GLMN: variants seen among roughly 807,000 people sequenced by gnomAD.
The protein encoded by GLMN is glomulin, FKBP associated protein, also known as glomulin.
GLMN carries 75 observed loss-of-function variants against 87.8 expected under a neutral mutation model. The observed-to-expected ratio is 0.85, with a 90% CI of 0.71 to 1.04. The LOEUF is 1.04. Ranked by LOEUF, GLMN falls within the 50% of genes least tolerant of loss-of-function variation. The pLI, the probability that GLMN is intolerant of heterozygous loss-of-function variation, is 0.00. For synonymous variants in GLMN, 206 were observed against 221.6 expected (o/e 0.93, Z 0.63); for missense variants, 588 against 658.8 (o/e 0.89, Z 1.18).
chr1:92,350,663 G>A, the GLMN span, among the ~76,000 whole-genome samples: 1 of 152,218 alleles, frequency 6.6e-6, no homozygotes, highest in African/African-American at 2.4e-5. Flanking sequence ...CTATAGGCCA[G>A]GTGCAGTGGC....
At chr1:92,333,812 C>T in the GLMN span, among the ~76,000 whole-genome samples, 2 of 152,136 alleles carry the variant, frequency 1.3e-5, no homozygotes, top group African/African-American at 4.8e-5. Context: ...AAATGTGTCA[C>T]AGCAGTTTCA....
At chr1:92,327,240 A>G in the GLMN span, among the ~76,000 whole-genome samples, 1 of 152,272 alleles carries the variant, frequency 6.6e-6, no homozygotes, top group African/African-American at 2.4e-5. Flanking sequence ...TGACCTGTCT[A>G]GTGCTGTCAG....
chr1:92,268,232 CT>C (rs1655870279), intron 9 of GLMN, 97 bp from the exon 10 acceptor site: 4 of 696,134 alleles, frequency 5.7e-6, no homozygotes, highest in Middle Eastern at 4.0e-4. Flanking sequence ...AATTTTAACA[CT>C]TTTAAAATGC....
chr1:92,265,345 T>C (rs1165402370), intron 13 of GLMN, among the ~76,000 whole-genome samples: 3 of 149,164 alleles, frequency 2.0e-5, no homozygotes, highest in Non-Finnish European at 4.4e-5. Context: ...AAAAACTAGA[T>C]ATGACTAGCT....
chr1:92,294,793 C>A (rs565950078), intron 3 of GLMN, among the ~76,000 whole-genome samples: 1 of 152,270 alleles, frequency 6.6e-6, no homozygotes, highest in Admixed American at 6.5e-5. Context: ...ATCCCCCCAT[C>A]TCAGTCTCCC....
chr1:92,345,264 G>A, the GLMN span, among the ~76,000 whole-genome samples: 4 of 151,722 alleles, frequency 2.6e-5, no homozygotes, highest in African/African-American at 4.8e-5. Context: ...TACTCAAGAG[G>A]CTGAGTCAGG....
upstream of GLMN, chr1:92,300,202 C>G (rs149555004): frequency 1.6e-4 from 263 of 1,608,674 alleles, 1 homozygote; most frequent in African/African-American, 3.1e-3. Context: ...AGGTACTAAA[C>G]AGACAAGTAC....
Position 92,289,164 on chromosome 1 carries a change from T to C in GLMN, c.395-13A>G, listed in dbSNP as rs747428991. Reference sequence around the variant, plus strand: ...AGTTTCTGAATCACTAAAACAGAGATCAAGTTGTCGCTCATCAAGTATGCT... The same window carrying C: ...AGTTTCTGAATCACTAAAACAGAGACCAAGTTGTCGCTCATCAAGTATGCT... On this transcript the variant is annotated splice_polypyrimidine_tract_variant and intron_variant, in intron 5 of 18. Coordinates refer to ENST00000370360, the MANE Select transcript of GLMN (RefSeq NM_053274.3). 1 of 1,451,204 alleles carries C rather than the reference T, an allele frequency of 6.9e-7. No individual in the cohort carries two copies. The allele number at this position is 1,451,204 out of a possible 1,614,324, so 89.9% of individuals were successfully genotyped here.
chr1:92,322,927 CATAT>C, the GLMN span, among the ~76,000 whole-genome samples: 1 of 147,150 alleles, frequency 6.8e-6, no homozygotes, highest in African/African-American at 2.5e-5. Flanking sequence ...TTTTAAACTA[CATAT>C]ATACTTTATA....
chr1:92,259,786 G>C (rs1654780973), intron 16 of GLMN, among the ~76,000 whole-genome samples: 1 of 140,668 alleles, frequency 7.1e-6, no homozygotes, highest in South Asian at 2.3e-4. Flanking sequence ...CCAGTGGGGA[G>C]TGCAGTGGCA....
chr1:92,279,631 C>G, intron 7 of GLMN, among the ~76,000 whole-genome samples: 1 of 150,844 alleles, frequency 6.6e-6, no homozygotes. Flanking sequence ...CCACGGAGGG[C>G]AAGCTGAGGC....
intron 7 of GLMN, among the ~76,000 whole-genome samples, chr1:92,275,842 C>A (rs1371774624): frequency 1.3e-5 from 2 of 152,176 alleles, no homozygotes; most frequent in Admixed American, 1.3e-4. Context: ...TTCTTGGGCT[C>A]ATTTTAAGTG....
intron 10 of GLMN, 47 bp from the exon 11 acceptor site, chr1:92,268,049 CTGT>C (rs772484965): frequency 7.3e-7 from 1 of 1,369,822 alleles, no homozygotes; most frequent in Non-Finnish European, 1.0e-6. Flanking sequence ...AAGTCAACAG[CTGT>C]TATTTGTTGA....
chr1:92,340,054 T>C, the GLMN span, among the ~76,000 whole-genome samples: 1 of 152,220 alleles, frequency 6.6e-6, no homozygotes, highest in Non-Finnish European at 1.5e-5. Context: ...CTTTTATATA[T>C]GTTTGAAATT....
At chr1:92,266,343 C>T in intron 13 of GLMN, 76 bp downstream of exon 13, 2 of 809,158 alleles carry the variant, frequency 2.5e-6, no homozygotes, top group South Asian at 1.4e-5. Context: ...CATACTATGC[C>T]CTAAAACAAT....
chr1:92,266,666 C>T, intron 12 of GLMN, 34 bp downstream of exon 12: 1 of 1,448,386 alleles, frequency 6.9e-7, no homozygotes, highest in Non-Finnish European at 9.7e-7. Flanking sequence ...CTCACTGTAA[C>T]TCATTATTCT....
chr1:92,365,881 T>C, the GLMN span, among the ~76,000 whole-genome samples: 11 of 152,138 alleles, frequency 7.2e-5, no homozygotes, highest in African/African-American at 2.7e-4. Context: ...GGGTTATTTG[T>C]TCATCTTTTA....
chr1:92,256,549 A>G (rs1045973741), intron 16 of GLMN, among the ~76,000 whole-genome samples: 3 of 152,252 alleles, frequency 2.0e-5, no homozygotes, highest in Non-Finnish European at 4.4e-5. Context: ...CAAAAAGCTT[A>G]TCCACCATGA....
intron 16 of GLMN, among the ~76,000 whole-genome samples, chr1:92,259,945 C>T (rs1654809255): frequency 6.6e-6 from 1 of 151,918 alleles, no homozygotes; most frequent in Non-Finnish European, 1.5e-5. Flanking sequence ...CTGTGTTAGC[C>T]AGGATGGTCT....
Sources: allele counts gnomAD v4.1 joint callset (sites outside exome capture counted in the v4.1 genomes callset), GRCh38; gene constraint gnomAD v4.1.1; transcripts MANE v1.5; gene names NCBI Gene and HGNC (gene_info 2026-07-23, HGNC 2026-07-21).